The following SMYD3 variants were observed in gnomAD, a reference collection of about 807,000 sequenced individuals.
The protein encoded by SMYD3 is SET and MYND domain containing 3, also known as histone-lysine N-methyltransferase SMYD3.
SMYD3 carries 36 observed loss-of-function variants against 57.7 expected under a neutral mutation model. That is an observed-to-expected ratio of 0.62 (90% CI 0.48 to 0.82). The LOEUF is 0.82. Ranked by LOEUF, SMYD3 falls within the 40% of genes least tolerant of loss-of-function variation. The pLI, the probability that SMYD3 is intolerant of heterozygous loss-of-function variation, is 0.00. For synonymous variants in SMYD3, 211 were observed against 195.0 expected (o/e 1.08, Z -0.68); for missense variants, 515 against 538.8 (o/e 0.96, Z 0.44).
intron 10 of SMYD3, among the ~76,000 whole-genome samples, chr1:245,851,573 A>T (rs1240382474): frequency 1.3e-5 from 2 of 152,164 alleles, no homozygotes; most frequent in Admixed American, 6.5e-5. Context: ...CAGAGATCTG[A>T]TTTCCTAAAG....
intron 5 of SMYD3, among the ~76,000 whole-genome samples, chr1:246,088,884 T>C (rs992112724): frequency 2.0e-5 from 3 of 152,252 alleles, no homozygotes; most frequent in African/African-American, 7.2e-5. Context: ...CACACATATA[T>C]ATTTTATATC....
intron 5 of SMYD3, among the ~76,000 whole-genome samples, chr1:246,303,257 G>A (rs927655881): frequency 6.6e-6 from 1 of 152,112 alleles, no homozygotes; most frequent in Non-Finnish European, 1.5e-5. Context: ...ACTTATTGTG[G>A]TTGGCAGAAT....
chr1:245,931,413 C>T (rs564278137), intron 5 of SMYD3, among the ~76,000 whole-genome samples: 7 of 151,990 alleles, frequency 4.6e-5, no homozygotes, highest in South Asian at 2.1e-4. Flanking sequence ...AGTTTTTGGC[C>T]GAAGCAAGTG....
intron 5 of SMYD3, among the ~76,000 whole-genome samples, chr1:246,010,880 G>A (rs1466634529): frequency 6.6e-6 from 1 of 152,150 alleles, no homozygotes; most frequent in Non-Finnish European, 1.5e-5. Context: ...GTTTCCCCAA[G>A]GAAAGGTGTG....
Position 246,327,320 on chromosome 1 carries a change from C to T in SMYD3, c.412G>A (p.Glu138Lys), listed in dbSNP as rs755188670. The T allele has an allele frequency of 7.4e-6, 12 of 1,612,192 alleles. No individual in the cohort carries two copies. Among genetic ancestry groups the T allele is most frequent in the African/African-American group, 1.3e-5 (1 of 74,776 alleles). The change falls in exon 5 of 12, where the codon GAA becomes AAA. Residue 138 changes from glutamate to lysine, a missense_variant. Physicochemically the swap from Glu to Lys is moderately conservative, Grantham distance 56. Coordinates refer to ENST00000490107, the MANE Select transcript of SMYD3 (RefSeq NM_001167740.2). Reference sequence around the variant, plus strand: ...TGCCTGAGGCCCTCTTTCTTATCTTCAGTCAGTTTGTTAATATCTTTTTTA... The same window carrying T: ...TGCCTGAGGCCCTCTTTCTTATCTTTAGTCAGTTTGTTAATATCTTTTTTA... ...DLESNINKLT[E>K]DKKEGLRQLV...
chr1:246,286,517 T>C (rs2064567285), intron 5 of SMYD3, among the ~76,000 whole-genome samples: 1 of 152,214 alleles, frequency 6.6e-6, no homozygotes, highest in African/African-American at 2.4e-5. Context: ...CTGACATTAG[T>C]TCTGTACTCA....
At chr1:246,472,785 C>T (rs975180680) in intron 1 of SMYD3, among the ~76,000 whole-genome samples, 1 of 151,976 alleles carries the variant, frequency 6.6e-6, no homozygotes, top group African/African-American at 2.4e-5. Flanking sequence ...CTTCCTTCTC[C>T]TGCTCCCCAA....
chr1:246,339,477 T>C (rs2065596918), intron 2 of SMYD3, among the ~76,000 whole-genome samples: 1 of 150,726 alleles, frequency 6.6e-6, no homozygotes, highest in Admixed American at 6.6e-5. Context: ...GCAATAAAAA[T>C]AGTTCTCACA....
intron 10 of SMYD3, among the ~76,000 whole-genome samples, chr1:245,776,282 G>C (rs1222300861): frequency 1.3e-5 from 2 of 152,108 alleles, no homozygotes. Context: ...AGTTTGCGGA[G>C]AGCAGTCAGG....
intron 5 of SMYD3, among the ~76,000 whole-genome samples, chr1:246,271,591 G>A (rs2034564909): frequency 6.6e-6 from 1 of 152,148 alleles, no homozygotes; most frequent in African/African-American, 2.4e-5. Context: ...CACCCCCATC[G>A]AAAATCATTT....
chr1:246,409,052 G>A (rs1212857155), intron 1 of SMYD3, among the ~76,000 whole-genome samples: 1 of 152,008 alleles, frequency 6.6e-6, no homozygotes, highest in Non-Finnish European at 1.5e-5. Context: ...ATTTGTTTGA[G>A]TTCATTGTAG....
At chr1:245,768,799 T>G (rs572721960) in intron 10 of SMYD3, among the ~76,000 whole-genome samples, 7 of 152,184 alleles carry the variant, frequency 4.6e-5, no homozygotes, top group Admixed American at 1.3e-4. Flanking sequence ...CAAGACATCA[T>G]GTTGGAAATG....
At position 246,362,070 on chromosome 1, in the gene SMYD3, C is replaced by A. The variant is rs1323446129; in HGVS notation, c.165-6976G>T. On this transcript the variant is annotated intron_variant, in intron 1 of 11. Transcript: ENST00000490107. ...CAGCACCGCCCCCACAAAAAAATGT[C>A]CTTTTTAAAAACTTTGGTAGAATAT... Among the ~76,000 whole-genome samples the A allele has an allele frequency of 4.6e-5, 7 of 152,226 alleles. No individual in the cohort carries two copies. The East Asian group carries it at 1.2e-3, about 25-fold the overall frequency.
chr1:245,911,439 A>C, intron 8 of SMYD3, among the ~76,000 whole-genome samples: 1 of 152,030 alleles, frequency 6.6e-6, no homozygotes, highest in Non-Finnish European at 1.5e-5. Context: ...GCACTATTCA[A>C]AATAGCCAAG....
At chr1:245,955,231 A>G (rs534629927) in intron 5 of SMYD3, among the ~76,000 whole-genome samples, 11 of 149,396 alleles carry the variant, frequency 7.4e-5, no homozygotes, top group Admixed American at 4.7e-4. Context: ...AGCTGGGACT[A>G]CAGGTGCCCG....
intron 11 of SMYD3, among the ~76,000 whole-genome samples, chr1:245,750,114 A>G (rs1025351579): frequency 1.3e-5 from 2 of 152,148 alleles, no homozygotes; most frequent in African/African-American, 4.8e-5. Flanking sequence ...ATCATATTAT[A>G]GCACTGGCAT....
intron 5 of SMYD3, among the ~76,000 whole-genome samples, chr1:245,997,822 C>G (rs1320853926): frequency 1.3e-5 from 2 of 152,166 alleles, no homozygotes; most frequent in Non-Finnish European, 2.9e-5. Context: ...AGGGAGTGAT[C>G]AGAACTGCTG....
rs776156757 is a variant in SMYD3 at position 245,863,867 on chromosome 1, C to T, written c.833G>A (p.Gly278Asp). ...AACTTCCTTCCATACTTGCTCATCA[C>T]CAGTTAGCATATCAGCATCCTGCTC... ...TQDKDADMLT[G>D]DEQVWKEVQE... is the part of the protein sequence containing the mutation. Residue 278 changes from glycine (G) to aspartate (D), a missense_variant, in exon 9 of 12, where the codon GGT (glycine) becomes GAT (aspartate). Gly to Asp is a moderately conservative substitution (Grantham distance 94). Coordinates refer to ENST00000490107, the MANE Select transcript of SMYD3 (RefSeq NM_001167740.2). 1 of 1,614,108 alleles carries T rather than the reference C, an allele frequency of 6.2e-7. No individual in the cohort carries two copies. Among genetic ancestry groups the T allele is most frequent in the South Asian group, 1.1e-5 (1 of 91,082 alleles).
At position 245,915,627 on chromosome 1, in the gene SMYD3, T is replaced by C; in HGVS notation, c.716A>G (p.Tyr239Cys). ...CTCACTGGTCATCAGCATATCCAGG[T>C]AGCAGATGGTGAGCTGTGCAGGCCA... ...IEVGEELTIC[Y>C]LDMLMTSEER... The change falls in exon 8 of 12, where the codon TAC becomes TGC. Residue 239 changes from tyrosine (Y) to cysteine (C), a missense_variant. Tyr to Cys is a radical substitution (Grantham distance 194, BLOSUM62 -2). Coordinates refer to ENST00000490107, the MANE Select transcript of SMYD3 (RefSeq NM_001167740.2). 1.9e-6 allele frequency: 3 copies of C among 1,612,980 alleles called. No homozygotes were observed. Among genetic ancestry groups the C allele is most frequent in the Middle Eastern group, 1.7e-4 (1 of 6,060 alleles).
Sources: allele counts gnomAD v4.1 joint callset (sites outside exome capture counted in the v4.1 genomes callset), GRCh38; gene constraint gnomAD v4.1.1; transcripts MANE v1.5; gene names NCBI Gene and HGNC (gene_info 2026-07-23, HGNC 2026-07-21).